Variants in ZSCAN1 observed in about 807,000 individuals in gnomAD.
ZSCAN1 encodes zinc finger and SCAN domain-containing protein 1.
ZSCAN1 carries 23 observed loss-of-function variants against 23.8 expected under a neutral mutation model. That is an observed-to-expected ratio of 0.97 (90% CI 0.70 to 1.37). ZSCAN1 has a LOEUF of 1.37. Among genes scored for constraint, ZSCAN1 ranks in the 40% most tolerant of loss-of-function variants. The pLI is 0.00. For synonymous variants in ZSCAN1, 236 were observed against 232.3 expected, an observed-to-expected ratio of 1.02 and a Z score of -0.15; for missense variants, 575 against 554.0, an observed-to-expected ratio of 1.04 and a Z score of -0.38.
Position 58,040,344 on chromosome 19 carries a change from G to A in ZSCAN1, c.371-106G>A, listed in dbSNP as rs2073778114. On this transcript the variant is annotated intron_variant, in intron 3 of 5. Transcript: ENST00000282326. The surrounding 1 kb of genome is among the most constrained non-coding windows in gnomAD (Gnocchi z 5.8). ...CAGCCACTCTTGCCTGCGCCTCAGG[G>A]GTGCTGCAGGGATGTTCGGGGAAAG... The A allele has an allele frequency of 2.6e-6, 3 of 1,166,608 alleles. No individual in the cohort carries two copies. The highest frequency in any genetic ancestry group is 3.8e-6 in the Non-Finnish European group (3 of 794,772). The allele number at this position is 1,166,608 out of a possible 1,614,324, so 72.3% of individuals were successfully genotyped here. A position where few individuals can be genotyped will look rare whatever the true frequency, so the allele number is the denominator to read the frequency against.
intron 4 of ZSCAN1, among the ~76,000 whole-genome samples, chr19:58,048,606 C>T (rs955619773): frequency 2.0e-5 from 3 of 152,172 alleles, no homozygotes; most frequent in Non-Finnish European, 4.4e-5. Context: ...CACAGACAAA[C>T]GCCACTATGC....
At chr19:58,050,367 T>C (rs1348367878) in intron 4 of ZSCAN1, among the ~76,000 whole-genome samples, 1 of 151,454 alleles carries the variant, frequency 6.6e-6, no homozygotes, top group Non-Finnish European at 1.5e-5. Context: ...ACCCAGCGGG[T>C]GGAGGTTGCA....
intron 4 of ZSCAN1, chr19:58,044,442 G>T: frequency 2.7e-6 from 1 of 371,638 alleles, no homozygotes; most frequent in Non-Finnish European, 4.7e-6. Flanking sequence ...GAAGCTGGGC[G>T]CCTCCTGTCC....
downstream of ZSCAN1, among the ~76,000 whole-genome samples, chr19:58,055,673 C>G (rs1020125169): frequency 1.3e-5 from 2 of 152,198 alleles, no homozygotes; most frequent in Admixed American, 6.5e-5. Flanking sequence ...AGATAGCTCT[C>G]CCGAGTGCCC....
rs2123435035 is a variant in ZSCAN1 at position 58,047,084 on chromosome 19, G to T, written c.466-5406G>T. Among the ~76,000 whole-genome samples, 1 of 152,328 alleles carries T rather than the reference G, an allele frequency of 6.6e-6. No homozygotes were observed. Among genetic ancestry groups the T allele is most frequent in the Non-Finnish European group, 1.5e-5 (1 of 68,028 alleles). ...TGGCCTCACGTCTCAGTGTCTGACT[G>T]TGCTGCCCTGTGCCCAGGGAGGAGA... On this transcript the variant is annotated intron_variant, in intron 4 of 5. Coordinates refer to ENST00000282326, the MANE Select transcript of ZSCAN1 (RefSeq NM_182572.4). This position sits in a 1 kb window ranked among gnomAD's most constrained non-coding sequence, Gnocchi z 4.9.
Position 58,040,824 on chromosome 19 carries a change from T to C in ZSCAN1, c.465+280T>C, listed in dbSNP as rs1451469916. Among the ~76,000 whole-genome samples the C allele has an allele frequency of 6.6e-6, 1 of 152,092 alleles. No individual in the cohort carries two copies. The highest frequency in any genetic ancestry group is 2.4e-5 in the African/African-American group (1 of 41,426). On this transcript the variant is annotated intron_variant, in intron 4 of 5. Coordinates refer to ENST00000282326, the MANE Select transcript of ZSCAN1 (RefSeq NM_182572.4). The surrounding 1 kb of genome is among the most constrained non-coding windows in gnomAD (Gnocchi z 5.8). ...TTCCCAGCCTCGCAGTTAAGACCCA[T>C]CCTCCTGTGTCACCCGCACCAGATG...
In ZSCAN1 at chr19:58,040,642, G is replaced by A. The variant is rs1055303435; in HGVS notation, c.465+98G>A. On this transcript the variant is annotated intron_variant, in intron 4 of 5. Transcript: ENST00000282326. This position sits in a 1 kb window ranked among gnomAD's most constrained non-coding sequence, Gnocchi z 5.8. ...GATGCCCCATCCAAGGACTGTGTGAGGTTGTCCCCAGCGCTCCCAGGAAGC... is the reference window on the plus strand; with the variant it reads ...GATGCCCCATCCAAGGACTGTGTGAAGTTGTCCCCAGCGCTCCCAGGAAGC... 9 of 1,246,160 alleles carry A rather than the reference G, an allele frequency of 7.2e-6. No individual in the cohort carries two copies. In the African/African-American group the frequency reaches 1.2e-4, roughly 16 times the overall value. 77.2% of individuals were successfully genotyped at this position (1,246,160 alleles called of 1,614,324 possible). A position where few individuals can be genotyped will look rare whatever the true frequency, so the allele number is the denominator to read the frequency against.
intron 2 of ZSCAN1, among the ~76,000 whole-genome samples, chr19:58,036,750 G>A (rs1191161918): frequency 1.3e-5 from 2 of 151,834 alleles, no homozygotes; most frequent in East Asian, 1.9e-4. Context: ...ACAGTGGTGC[G>A]ATCTTGGCTT....
rs149279174 is a variant in ZSCAN1, at chr19:58,052,537, C to G, written c.513C>G (p.Pro171=). ...LDAVAAAPAL[P]EESEWLETTQ... is the part of the protein sequence containing the mutation. ...CAGTGGCAGCAGCCCCAGCACTCCC[C>G]GAGGAAAGTGAGTGGCTGGAGACTA... is the stretch of plus-strand genomic sequence containing the variant. The change falls in exon 5 of 6, where the codon CCC becomes CCG. Residue 171 remains proline, a synonymous_variant. Transcript: ENST00000282326. 5 of 1,614,062 alleles carry G rather than the reference C, an allele frequency of 3.1e-6. No homozygotes were observed. The highest frequency in any genetic ancestry group is 1.1e-5 in the South Asian group (1 of 91,084).
rs1231234790 is a variant in ZSCAN1, at chr19:58,047,980, T to TA, written c.466-4505dup. Among the ~76,000 whole-genome samples, 1 of 152,114 alleles carries TA rather than the reference T, an allele frequency of 6.6e-6. No individual in the cohort carries two copies. ...TTTTTAAGGTCAGGTTGGTTCCTGG[T>TA]AAAAATGTCCCTCCGGGGGCCTCCA... On this transcript the variant is annotated intron_variant, in intron 4 of 5. Transcript: ENST00000282326. The surrounding 1 kb of genome is among the most constrained non-coding windows in gnomAD (Gnocchi z 4.9).
rs373703129 is a variant in ZSCAN1 at position 58,042,403 on chromosome 19, G to A, written c.465+1859G>A. ...CTCCGGAGTAGCTGGGACTACAGGCGCCCGCCACCTCCCCGGCTAATTTTT... is the reference window on the plus strand; with the variant it reads ...CTCCGGAGTAGCTGGGACTACAGGCACCCGCCACCTCCCCGGCTAATTTTT... On this transcript the variant is annotated intron_variant, in intron 4 of 5. Transcript: ENST00000282326. Among the ~76,000 whole-genome samples the A allele has an allele frequency of 3.9e-3, 596 of 151,780 alleles. 2 individuals carry two copies. Among genetic ancestry groups the A allele is most frequent in the African/African-American group, 0.014 (560 of 41,348 alleles).
chr19:58,053,326 G>A lies in ZSCAN1; in HGVS notation c.605-103G>A, dbSNP rs150233957. 12,212 of 1,447,628 alleles carry A rather than the reference G, an allele frequency of 8.4e-3. 77 individuals carry two copies. Among genetic ancestry groups the A allele is most frequent in the Non-Finnish European group, 0.01 (10,804 of 1,071,004 alleles). 89.7% of individuals were successfully genotyped at this position (1,447,628 alleles called of 1,614,324 possible). A position where few individuals can be genotyped will look rare whatever the true frequency, so the allele number is the denominator to read the frequency against. ...CCGTATTGAGCAGAGGAAGGGCCTGGACTTGGCTCAGTCACTGGGGTCCTC... is the reference window on the plus strand; with the variant it reads ...CCGTATTGAGCAGAGGAAGGGCCTGAACTTGGCTCAGTCACTGGGGTCCTC... On this transcript the variant is annotated intron_variant, in intron 5 of 5. Coordinates refer to ENST00000282326, the MANE Select transcript of ZSCAN1 (RefSeq NM_182572.4). The surrounding 1 kb of genome is among the most constrained non-coding windows in gnomAD (Gnocchi z 5.8).
Position 58,053,367 on chromosome 19 carries a change from C to T in ZSCAN1, c.605-62C>T. The T allele has an allele frequency of 6.4e-7, 1 of 1,554,476 alleles. No homozygotes were observed. Among genetic ancestry groups the T allele is most frequent in the Non-Finnish European group, 8.7e-7 (1 of 1,147,854 alleles). Reference sequence around the variant, plus strand: ...TGGGGTCCTCCGTGCCCCTGGGGAGCACAGGGAGATGCCAAGGCCATCCAC... The same window carrying T: ...TGGGGTCCTCCGTGCCCCTGGGGAGTACAGGGAGATGCCAAGGCCATCCAC... On this transcript the variant is annotated intron_variant, in intron 5 of 5. Coordinates refer to ENST00000282326, the MANE Select transcript of ZSCAN1 (RefSeq NM_182572.4). This position sits in a 1 kb window ranked among gnomAD's most constrained non-coding sequence, Gnocchi z 5.8.
At chr19:58,050,702 G>C (rs977629169) in intron 4 of ZSCAN1, among the ~76,000 whole-genome samples, 1 of 151,994 alleles carries the variant, frequency 6.6e-6, no homozygotes, top group Admixed American at 6.5e-5. Flanking sequence ...TGTATTTTTA[G>C]TAGAGATGGG....
In ZSCAN1 at chr19:58,045,063, G is replaced by A. The variant is rs1404382834; in HGVS notation, c.465+4519G>A. On this transcript the variant is annotated intron_variant, in intron 4 of 5. Transcript: ENST00000282326. The surrounding 1 kb of genome is among the most constrained non-coding windows in gnomAD (Gnocchi z 4.3). The stretch of plus-strand genomic sequence containing the variant: ...CCCGGGGGCAGAGAGGGTGCTGGGC[G>A]AGCTGAGGCACTACTACCATGGCTT... 3 of 1,134,380 alleles carry A rather than the reference G, an allele frequency of 2.6e-6. No individual in the cohort carries two copies. The highest frequency in any genetic ancestry group is 2.4e-5 in the East Asian group (1 of 42,342). 70.3% of individuals were successfully genotyped at this position (1,134,380 alleles called of 1,614,324 possible). A position where few individuals can be genotyped will look rare whatever the true frequency, so the allele number is the denominator to read the frequency against.
rs557023929 is a variant in ZSCAN1, at chr19:58,040,839, C to T, written c.465+295C>T. ...TTAAGACCCATCCTCCTGTGTCACCCGCACCAGATGCTGCGTGTGTTGAGA... is the reference window on the plus strand; with the variant it reads ...TTAAGACCCATCCTCCTGTGTCACCTGCACCAGATGCTGCGTGTGTTGAGA... On this transcript the variant is annotated intron_variant, in intron 4 of 5. Coordinates refer to ENST00000282326, the MANE Select transcript of ZSCAN1 (RefSeq NM_182572.4). The surrounding 1 kb of genome is among the most constrained non-coding windows in gnomAD (Gnocchi z 5.8). Among the ~76,000 whole-genome samples, 27 of 152,344 alleles carry T rather than the reference C, an allele frequency of 1.8e-4. 1 individual carries two copies. The highest frequency in any genetic ancestry group is 2.8e-4 in the Non-Finnish European group (19 of 68,038).
intron 4 of ZSCAN1, 105 bp from the exon 5 acceptor site, chr19:58,052,385 G>A: frequency 6.4e-7 from 1 of 1,573,498 alleles, no homozygotes; most frequent in Non-Finnish European, 8.7e-7. Flanking sequence ...ACTGCCCTGG[G>A]ACAGAGCCTT....
chr19:58,053,315 G>C lies in ZSCAN1; in HGVS notation c.605-114G>C. On this transcript the variant is annotated intron_variant, in intron 5 of 5. Coordinates refer to ENST00000282326, the MANE Select transcript of ZSCAN1 (RefSeq NM_182572.4). The surrounding 1 kb of genome is among the most constrained non-coding windows in gnomAD (Gnocchi z 5.8). The stretch of plus-strand genomic sequence containing the variant: ...GGACACAGGGGCCGTATTGAGCAGA[G>C]GAAGGGCCTGGACTTGGCTCAGTCA... The C allele has an allele frequency of 7.3e-7, 1 of 1,364,904 alleles. No homozygotes were observed. Among genetic ancestry groups the C allele is most frequent in the Non-Finnish European group, 1.0e-6 (1 of 1,001,866 alleles). The allele number at this position is 1,364,904 out of a possible 1,614,324, so 84.5% of individuals were successfully genotyped here. A position where few individuals can be genotyped will look rare whatever the true frequency, so the allele number is the denominator to read the frequency against.
At chr19:58,044,996 G>A (rs2073815510) in intron 4 of ZSCAN1, 1 of 1,142,806 alleles carries the variant, frequency 8.8e-7, no homozygotes, top group Non-Finnish European at 1.3e-6. Context: ...CTGGAGGAAG[G>A]CGGCCCTGTG....
Sources: allele counts gnomAD v4.1 joint callset (sites outside exome capture counted in the v4.1 genomes callset), GRCh38; gene constraint gnomAD v4.1.1; non-coding constraint Gnocchi (gnomAD v3.1); transcripts MANE v1.5; gene names NCBI Gene and HGNC (gene_info 2026-07-23, HGNC 2026-07-21).